The following DUSP16 variants were observed in gnomAD, a reference collection of about 807,000 sequenced individuals.
DUSP16 encodes the protein dual specificity protein phosphatase 16.
A neutral mutation model predicts 58.3 loss-of-function variants in DUSP16; 21 were observed. That is an observed-to-expected ratio of 0.36 (90% CI 0.26 to 0.52). The LOEUF (loss-of-function observed/expected upper bound fraction) is 0.52, where lower values mean the gene tolerates loss of function less well. Among genes scored for constraint, DUSP16 ranks in the 20% least tolerant of loss-of-function variants. The probability of loss-of-function intolerance (pLI) is 0.94; values close to 1 mark genes in which losing one functional copy is unlikely to be tolerated. For missense variants in DUSP16, 726 were observed against 819.0 expected (o/e 0.89, Z 1.39); for synonymous variants, 320 against 323.8 (o/e 0.99, Z 0.12).
intron 3 of DUSP16, among the ~76,000 whole-genome samples, chr12:12,513,385 G>A (rs965287663): frequency 1.3e-5 from 2 of 152,134 alleles, no homozygotes; most frequent in Admixed American, 6.6e-5. Context: ...CAAAAAGACT[G>A]AGAAAGAGCT....
rs190110172 is a variant in DUSP16, at chr12:12,519,237, C to T, written c.367+625G>A. Reference sequence around the variant, plus strand: ...GATATAGAATATTTGGTCCTTCCCACACACTTTATAAGATCATCTGGTTGC... The same window carrying T: ...GATATAGAATATTTGGTCCTTCCCATACACTTTATAAGATCATCTGGTTGC... On this transcript the variant is annotated intron_variant, in intron 3 of 6. Coordinates refer to ENST00000298573, the MANE Select transcript of DUSP16 (RefSeq NM_030640.3). 1.7e-3 allele frequency among the ~76,000 whole-genome samples: 265 copies of T among 152,350 alleles called. 1 individual carries two copies. The highest frequency in any genetic ancestry group is 6.2e-3 in the African/African-American group (257 of 41,584).
chr12:12,546,187 G>A (rs1430222207), intron 1 of DUSP16, among the ~76,000 whole-genome samples: 1 of 152,114 alleles, frequency 6.6e-6, no homozygotes, highest in African/African-American at 2.4e-5. Context: ...GCACCCTCTG[G>A]ATAATGATTA....
Position 12,504,298 on chromosome 12 carries a change from ACTCTGT to A in DUSP16, c.368-3622_368-3617del, listed in dbSNP as rs1394671315. Among the ~76,000 whole-genome samples the A allele has an allele frequency of 3.3e-5, 5 of 152,034 alleles. No homozygotes were observed. The East Asian group carries it at 9.7e-4, about 29-fold the overall frequency. Reference sequence around the variant, plus strand: ...TTTTTTTTCTTAAAGACAGGGTCTCACTCTGTTGCCTAGGCTGGAGTGGCATGATCT... The same window carrying A: ...TTTTTTTTCTTAAAGACAGGGTCTCATGCCTAGGCTGGAGTGGCATGATCT... On this transcript the variant is annotated intron_variant, in intron 3 of 6. Coordinates refer to ENST00000298573, the MANE Select transcript of DUSP16 (RefSeq NM_030640.3).
At position 12,556,778 on chromosome 12, in the gene DUSP16, T is replaced by C. The variant is rs952223895; in HGVS notation, c.-366+5339A>G. ...CAATAACTACAGGAAAGATCAAGACTTCCCCATTTTGGAACATCTTTGCTT... is the reference window on the plus strand; with the variant it reads ...CAATAACTACAGGAAAGATCAAGACCTCCCCATTTTGGAACATCTTTGCTT... On this transcript the variant is annotated intron_variant, in intron 1 of 6. Coordinates refer to ENST00000298573, the MANE Select transcript of DUSP16 (RefSeq NM_030640.3). Among the ~76,000 whole-genome samples the C allele has an allele frequency of 1.1e-4, 16 of 152,302 alleles. No individual in the cohort carries two copies. The East Asian group carries it at 3.1e-3, about 29-fold the overall frequency.
At chr12:12,511,165 A>G (rs769177939) in intron 3 of DUSP16, among the ~76,000 whole-genome samples, 22 of 152,268 alleles carry the variant, frequency 1.4e-4, no homozygotes, top group Non-Finnish European at 2.8e-4. Flanking sequence ...GTGGCAAGAC[A>G]GAGCATGTGA....
At chr12:12,536,970 T>C (rs1944474798) in intron 1 of DUSP16, among the ~76,000 whole-genome samples, 2 of 151,506 alleles carry the variant, frequency 1.3e-5, no homozygotes, top group Non-Finnish European at 2.9e-5. Flanking sequence ...ACCCAGGAAG[T>C]GGAGGTTGCG....
Position 12,479,472 on chromosome 12 carries a change from G to T in DUSP16, c.815+751C>A, listed in dbSNP as rs557838869. Among the ~76,000 whole-genome samples, 7 of 152,262 alleles carry T rather than the reference G, an allele frequency of 4.6e-5. No homozygotes were observed. The South Asian group carries it at 1.5e-3, about 32-fold the overall frequency. On this transcript the variant is annotated intron_variant, in intron 6 of 6. Transcript: ENST00000298573. ...GGTCTGAACGGCGGCATGAGAGCTCGTGCAGATGACCAGAGGACCCACGTC... is the reference window on the plus strand; with the variant it reads ...GGTCTGAACGGCGGCATGAGAGCTCTTGCAGATGACCAGAGGACCCACGTC...
chr12:12,532,988 T>C (rs1179781596), intron 1 of DUSP16, among the ~76,000 whole-genome samples: 1 of 150,720 alleles, frequency 6.6e-6, no homozygotes, highest in Non-Finnish European at 1.5e-5. Flanking sequence ...AAATGTAATG[T>C]ATGGAAATTA....
intron 3 of DUSP16, among the ~76,000 whole-genome samples, chr12:12,519,076 G>A (rs1366511075): frequency 6.6e-6 from 1 of 152,226 alleles, no homozygotes; most frequent in Non-Finnish European, 1.5e-5. Context: ...ACTGTGTGTT[G>A]TCAAACTATA....
intron 5 of DUSP16, among the ~76,000 whole-genome samples, chr12:12,483,715 G>A (rs1263560817): frequency 2.0e-5 from 3 of 152,034 alleles, no homozygotes; most frequent in Admixed American, 2.0e-4. Context: ...GGGTTTGGGG[G>A]CACCTCATGA....
At chr12:12,521,958 G>A (rs1944243479) in intron 1 of DUSP16, among the ~76,000 whole-genome samples, 2 of 151,624 alleles carry the variant, frequency 1.3e-5, no homozygotes, top group Admixed American at 1.3e-4. Context: ...GTGTATATGT[G>A]TGTATGTGTG....
chr12:12,498,857 G>C (rs568399468), intron 4 of DUSP16, among the ~76,000 whole-genome samples: 68 of 152,126 alleles, frequency 4.5e-4, no homozygotes, highest in Admixed American at 3.9e-4. Flanking sequence ...CCTTGCCCAA[G>C]GTGTTGTCCT....
chr12:12,508,160 A>G (rs778127966), intron 3 of DUSP16, among the ~76,000 whole-genome samples: 1 of 152,356 alleles, frequency 6.6e-6, no homozygotes, highest in Non-Finnish European at 1.5e-5. Flanking sequence ...ATTTTGCAGT[A>G]AAGTACTTTA....
chr12:12,560,650 T>TA (rs1188327308), intron 1 of DUSP16: 2 of 152,192 alleles, frequency 1.3e-5, no homozygotes, highest in Non-Finnish European at 2.9e-5. Flanking sequence ...CTTCACCAAA[T>TA]AGACTCCACG....
At chr12:12,553,074 C>T (rs1944756820) in intron 1 of DUSP16, among the ~76,000 whole-genome samples, 1 of 152,106 alleles carries the variant, frequency 6.6e-6, no homozygotes, top group South Asian at 2.1e-4. Flanking sequence ...AGCCACCATG[C>T]CTGGCCTAAT....
chr12:12,504,897 C>A (rs73063421), intron 3 of DUSP16, among the ~76,000 whole-genome samples: 11,190 of 151,848 alleles, frequency 0.074, 507 homozygotes, highest in Non-Finnish European at 0.098. Context: ...ATACATACAT[C>A]CAACAAAACA....
At chr12:12,515,548 G>A (rs1477020719) in intron 3 of DUSP16, among the ~76,000 whole-genome samples, 8 of 151,808 alleles carry the variant, frequency 5.3e-5, no homozygotes, top group South Asian at 4.1e-4. Context: ...GGCTGGTTAC[G>A]AACTCCCAAC....
rs150457182 is a variant in DUSP16, at chr12:12,561,436, G to T, written c.-366+681C>A. Among the ~76,000 whole-genome samples, 59 of 152,178 alleles carry T rather than the reference G, an allele frequency of 3.9e-4. 1 individual carries two copies. The East Asian group carries it at 7.1e-3, about 18-fold the overall frequency. On this transcript the variant is annotated intron_variant, in intron 1 of 6. Transcript: ENST00000298573. ...AGCATCTGAAAATATTTCCCTCTGT[G>T]GTGTTTCATTACATGAAACTACACG...
rs367623951 is a variant in DUSP16 at position 12,477,804 on chromosome 12, C to T, written c.1027G>A (p.Asp343Asn). The T allele has an allele frequency of 3.2e-5, 51 of 1,613,834 alleles. No individual in the cohort carries two copies. Among genetic ancestry groups the T allele is most frequent in the Admixed American group, 6.7e-5 (4 of 59,978 alleles). ...CCTGCTGCCTCTGAGGTAGCAGAGT[C>T]GGCACAGGGTGGACTGAGGGGCGTC... ...SETPLSPPCADSATSEAAGQR... is the reference protein window; with the variant it reads ...SETPLSPPCANSATSEAAGQR... Residue 343 changes from aspartate to asparagine, a missense_variant, in exon 7 of 7, where the codon GAC becomes AAC. By Grantham distance (23) the Asp-to-Asn change is conservative (BLOSUM62 1). Transcript: ENST00000298573. The surrounding 1 kb of genome is among the most constrained non-coding windows in gnomAD (Gnocchi z 4.1).
Sources: allele counts gnomAD v4.1 joint callset (sites outside exome capture counted in the v4.1 genomes callset), GRCh38; gene constraint gnomAD v4.1.1; non-coding constraint Gnocchi (gnomAD v3.1); transcripts MANE v1.5; gene names NCBI Gene and HGNC (gene_info 2026-07-23, HGNC 2026-07-21).